AMMECR1: variants seen among roughly 807,000 people sequenced by gnomAD.
AMMECR1 encodes nuclear protein AMMECR1.
AMMECR1 carries 3 observed loss-of-function variants against 22.5 expected under a neutral mutation model. The ratio of observed to expected loss-of-function variants is 0.13; its 90% CI spans 0.06 to 0.35. AMMECR1 has a LOEUF of 0.35. AMMECR1 is among the 10% of genes least tolerant of loss of function. The pLI, the probability that AMMECR1 is intolerant of heterozygous loss-of-function variation, is 1.00. For missense variants in AMMECR1, 235 were observed against 278.7 expected (o/e 0.84, Z 1.12); for synonymous variants, 130 against 116.7 (o/e 1.11, Z -0.74).
chrX:110,196,130 C>T lies in AMMECR1; in HGVS notation c.*2390G>A, dbSNP rs183831680. On this transcript the variant is annotated 3_prime_UTR_variant, in exon 6 of 6. Coordinates refer to ENST00000262844, the MANE Select transcript of AMMECR1 (RefSeq NM_015365.3). ...ATTTTAGAGTCCGCATGACCAGTCA[C>T]GTGACCTGCTCAAGATTGATTAGCA... 80 of 111,709 alleles carry T rather than the reference C, an allele frequency of 7.2e-4. No individual in the cohort carries two copies. The highest frequency in any genetic ancestry group is 2.5e-3 in the African/African-American group (76 of 30,752). 9.2% of individuals were successfully genotyped at this position (111,709 alleles called of 1,213,427 possible).
intron 1 of AMMECR1, among the ~76,000 whole-genome samples, chrX:110,433,423 C>T (rs1255011419): frequency 2.7e-5 from 3 of 111,355 alleles, no homozygotes; most frequent in Non-Finnish European, 5.7e-5. Context: ...TCTGTCTTAT[C>T]GCAGGCCTGG....
rs1218478778 is a variant in AMMECR1, at chrX:110,350,866, A to G, written c.-147-33017T>C. ...ACGCACCCTGTGATCCCAGCTACTCAGGAGGTTGAGGCAGGAGGTTCACTT... is the reference window on the plus strand; with the variant it reads ...ACGCACCCTGTGATCCCAGCTACTCGGGAGGTTGAGGCAGGAGGTTCACTT... On this transcript the variant is annotated intron_variant, in intron 2 of 7. Transcript: ENST00000372057. 5.4e-5 allele frequency among the ~76,000 whole-genome samples: 6 copies of G among 110,494 alleles called. No homozygotes were observed. In the East Asian group the frequency reaches 1.7e-3, roughly 31 times the overall value.
At chrX:110,393,535 C>T (rs1246922872) in intron 2 of AMMECR1, among the ~76,000 whole-genome samples, 1 of 111,605 alleles carries the variant, frequency 9.0e-6, no homozygotes, top group Non-Finnish European at 1.9e-5. Flanking sequence ...CCCTCTGTCC[C>T]TCACTCCTAA....
chrX:110,287,828 A>G (rs2067888378), intron 1 of AMMECR1, among the ~76,000 whole-genome samples: 1 of 112,016 alleles, frequency 8.9e-6, no homozygotes, highest in Admixed American at 9.5e-5. Flanking sequence ...GCCATCCCAC[A>G]AGGATAAACA....
chrX:110,352,465 G>A (rs992750084), intron 2 of AMMECR1, among the ~76,000 whole-genome samples: 1 of 112,204 alleles, frequency 8.9e-6, no homozygotes, highest in Admixed American at 9.4e-5. Flanking sequence ...TATTGTATGA[G>A]TCTATGCATA....
At chrX:110,227,508 T>C (rs923219065) in intron 2 of AMMECR1, among the ~76,000 whole-genome samples, 1 of 112,460 alleles carries the variant, frequency 8.9e-6, no homozygotes, top group African/African-American at 3.2e-5. Flanking sequence ...AGCCCAACCT[T>C]CCCCACTACC....
rs148904953 is a variant in AMMECR1, at chrX:110,427,986, G to C, written c.-293-1183C>G. Among the ~76,000 whole-genome samples the C allele has an allele frequency of 8.2e-4, 92 of 111,941 alleles. No individual in the cohort carries two copies. The East Asian group carries it at 0.025, about 30-fold the overall frequency. ...ACAGTTTTCCCCGCCTGTCCAGTCT[G>C]GGTTAGATGCCCCTCCTCTGTACTC... On this transcript the variant is annotated intron_variant, in intron 1 of 7. Coordinates refer to the AMMECR1 transcript ENST00000372057.
intron 1 of AMMECR1, among the ~76,000 whole-genome samples, chrX:110,302,965 G>A (rs895594760): frequency 2.7e-5 from 3 of 111,508 alleles, no homozygotes; most frequent in Non-Finnish European, 5.7e-5. Context: ...ATTTGGGGTG[G>A]GAGAGATTGA....
chrX:110,321,343 A>C (rs1197809531), upstream of AMMECR1, among the ~76,000 whole-genome samples: 2 of 109,609 alleles, frequency 1.8e-5, no homozygotes, highest in Non-Finnish European at 3.8e-5. Flanking sequence ...CTGGGAGCTG[A>C]AGATTCCACT....
chrX:110,248,619 T>G (rs1480037163), intron 2 of AMMECR1, among the ~76,000 whole-genome samples: 1 of 112,120 alleles, frequency 8.9e-6, no homozygotes, highest in Non-Finnish European at 1.9e-5. Context: ...AACTTCAAAT[T>G]GCAAAAATTA....
intron 2 of AMMECR1, among the ~76,000 whole-genome samples, chrX:110,348,740 T>C (rs1427589188): frequency 8.9e-6 from 1 of 111,966 alleles, no homozygotes; most frequent in Admixed American, 9.5e-5. Context: ...GAAATATATA[T>C]GTATGTGTAT....
chrX:110,381,326 C>T (rs2068417041), intron 2 of AMMECR1, among the ~76,000 whole-genome samples: 1 of 111,862 alleles, frequency 8.9e-6, no homozygotes, highest in Non-Finnish European at 1.9e-5. Context: ...TGAAAAAATG[C>T]TCATCATTAC....
At chrX:110,398,868 G>C (rs776445128) in intron 2 of AMMECR1, among the ~76,000 whole-genome samples, 2 of 112,177 alleles carry the variant, frequency 1.8e-5, no homozygotes, top group Non-Finnish European at 3.8e-5. Context: ...TTCATTTGCC[G>C]ACTTTAATTG....
chrX:110,380,603 T>TC (rs2068412252), intron 2 of AMMECR1, among the ~76,000 whole-genome samples: 1 of 112,380 alleles, frequency 8.9e-6, no homozygotes, highest in African/African-American at 3.2e-5. Flanking sequence ...ATTTTAAAAT[T>TC]CATATGGAAT....
In AMMECR1 at chrX:110,288,621, T is replaced by C. The variant is rs182351222; in HGVS notation, c.474-24022A>G. 3.8e-3 allele frequency among the ~76,000 whole-genome samples: 422 copies of C among 112,000 alleles called. 3 individuals are homozygous for C. Among genetic ancestry groups the C allele is most frequent in the African/African-American group, 0.012 (380 of 30,855 alleles). ...ATTAGAAATGGTACAGCCCTTCTTT[T>C]TGGATAAACAATGCTAGCCTAACAT... On this transcript the variant is annotated intron_variant, in intron 1 of 5. Coordinates refer to ENST00000262844, the MANE Select transcript of AMMECR1 (RefSeq NM_015365.3).
In AMMECR1 at chrX:110,281,551, G is replaced by C. The variant is rs2067852505; in HGVS notation, c.474-16952C>G. 2.7e-5 allele frequency among the ~76,000 whole-genome samples: 3 copies of C among 111,766 alleles called. No homozygotes were observed. In the Admixed American group the frequency reaches 2.8e-4, roughly 11 times the overall value. ...TCCGAAGGTGCTTTATTCCTAACAG[G>C]CTTCCTCTCCAATCTGTCTTTGTTT... On this transcript the variant is annotated intron_variant, in intron 1 of 5. Coordinates refer to ENST00000262844, the MANE Select transcript of AMMECR1 (RefSeq NM_015365.3).
chrX:110,245,257 C>A (rs2067652877), intron 2 of AMMECR1, among the ~76,000 whole-genome samples: 2 of 111,963 alleles, frequency 1.8e-5, no homozygotes, highest in Non-Finnish European at 3.8e-5. Context: ...TTGTTAAGCA[C>A]AGTAAATCCC....
intron 1 of AMMECR1, among the ~76,000 whole-genome samples, chrX:110,276,079 A>AT (rs1311652899): frequency 4.6e-5 from 5 of 107,623 alleles, no homozygotes; most frequent in African/African-American, 1.7e-4. Context: ...TTTTCCTTCC[A>AT]TTTTTTCTAT....
chrX:110,317,881 C>T lies in AMMECR1; in HGVS notation c.191G>A (p.Ser64Asn). 1.7e-6 allele frequency: 2 copies of T among 1,186,656 alleles called. No individual in the cohort carries two copies. Among genetic ancestry groups the T allele is most frequent in the Admixed American group, 2.3e-5 (1 of 43,921 alleles). ...GGGAGAGAGGGTACAGCCGCTGCCG[C>T]TACCTCCTCCGGTTAGACCTCCCAG... ...NGLGGLTGGG[S>N]GSGCTLSPPQ... Residue 64 changes from serine (S) to asparagine (N), a missense_variant, in exon 1 of 6, where the codon AGC becomes AAC. Physicochemically the swap from Ser to Asn is conservative, Grantham distance 46 (BLOSUM62 1). Transcript: ENST00000262844.
Sources: gnomAD v4.1 joint callset for allele counts (sites outside exome capture counted in the v4.1 genomes callset) on GRCh38, gnomAD v4.1.1 for gene constraint, MANE v1.5 for transcripts, NCBI Gene and HGNC (gene_info 2026-07-23, HGNC 2026-07-21) for gene names.